Variants in CDK14 observed in about 807,000 individuals in gnomAD.
CDK14 encodes the protein cyclin dependent kinase 14, also known as cyclin-dependent kinase 14.
A neutral mutation model predicts 60.7 loss-of-function variants in CDK14; 34 were observed. The observed-to-expected ratio is 0.56, with a 90% CI of 0.43 to 0.75. The LOEUF (loss-of-function observed/expected upper bound fraction) is 0.75. CDK14 is among the 30% of genes least tolerant of loss of function. The pLI, the probability that CDK14 is intolerant of heterozygous loss-of-function variation, is 0.00. For synonymous variants in CDK14, 197 were observed against 203.7 expected, an observed-to-expected ratio of 0.97 and a Z score of 0.28; for missense variants, 482 against 564.1, an observed-to-expected ratio of 0.85 and a Z score of 1.47.
chr7:91,155,861 G>A (rs1341770869), intron 14 of CDK14, among the ~76,000 whole-genome samples: 1 of 152,158 alleles, frequency 6.6e-6, no homozygotes, highest in African/African-American at 2.4e-5. Flanking sequence ...CTCAGGCTAA[G>A]CTTGATCCAA....
rs149530799 is a variant in CDK14 at position 90,849,840 on chromosome 7, G to A, written c.545-13335G>A. ...TAAATCCATGTATGGTTAGAACATCGTCTTCCTTTTCTTATTGATACTGTC... is the reference window on the plus strand; with the variant it reads ...TAAATCCATGTATGGTTAGAACATCATCTTCCTTTTCTTATTGATACTGTC... On this transcript the variant is annotated intron_variant, in intron 5 of 14. Transcript: ENST00000380050. 6.3e-4 allele frequency among the ~76,000 whole-genome samples: 96 copies of A among 152,054 alleles called. 1 individual carries two copies. Among genetic ancestry groups the A allele is most frequent in the African/African-American group, 2.1e-3 (87 of 41,362 alleles).
chr7:90,743,230 G>A (rs1214439409), intron 3 of CDK14, among the ~76,000 whole-genome samples: 2 of 152,054 alleles, frequency 1.3e-5, no homozygotes, highest in African/African-American at 4.8e-5. Context: ...CTGTAGTGAA[G>A]CAAATTAATA....
rs1374479385 is a variant in CDK14 at position 91,207,451 on chromosome 7, C to G, written c.*315C>G. 1 of 152,652 alleles carries G rather than the reference C, an allele frequency of 6.6e-6. No individual in the cohort carries two copies. Among genetic ancestry groups the G allele is most frequent in the Non-Finnish European group, 1.5e-5 (1 of 68,056 alleles). The allele number at this position is 152,652 out of a possible 1,614,324, so 9.5% of individuals were successfully genotyped here. On this transcript the variant is annotated 3_prime_UTR_variant, in exon 15 of 15. Coordinates refer to ENST00000380050, the MANE Select transcript of CDK14 (RefSeq NM_001287135.2). Reference sequence around the variant, plus strand: ...TTTGATTTTGTTTGATTTCCCTCTGCAGCACAGCGTCTCTGTAAAGGTTTT... The same window carrying G: ...TTTGATTTTGTTTGATTTCCCTCTGGAGCACAGCGTCTCTGTAAAGGTTTT...
intron 5 of CDK14, among the ~76,000 whole-genome samples, chr7:90,831,630 C>A (rs530415120): frequency 6.6e-6 from 1 of 152,234 alleles, no homozygotes; most frequent in East Asian, 1.9e-4. Context: ...CAGCTTATCA[C>A]CACTTCCTTG....
intron 2 of CDK14, chr7:90,709,850 A>G: frequency 7.2e-7 from 1 of 1,390,364 alleles, no homozygotes; most frequent in Non-Finnish European, 9.4e-7. Context: ...TAGTGCAGAA[A>G]GATGTGAATT....
intron 10 of CDK14, among the ~76,000 whole-genome samples, chr7:91,031,886 C>G (rs1163487639): frequency 6.6e-6 from 1 of 152,154 alleles, no homozygotes; most frequent in Non-Finnish European, 1.5e-5. Context: ...AGCACAGCAG[C>G]ACCTGCTGGG....
chr7:90,693,460 A>G (rs1801596061), intron 2 of CDK14, among the ~76,000 whole-genome samples: 1 of 152,170 alleles, frequency 6.6e-6, no homozygotes, highest in African/African-American at 2.4e-5. Flanking sequence ...TGTCTTTATA[A>G]TGAATAGCTT....
At chr7:91,037,464 GA>G (rs199739220) in intron 10 of CDK14, among the ~76,000 whole-genome samples, 2 of 152,050 alleles carry the variant, frequency 1.3e-5, no homozygotes, top group Non-Finnish European at 2.9e-5. Context: ...GAGAGAGCAT[GA>G]AAAAAACCTC....
chr7:90,950,833 G>C (rs1794235395), intron 8 of CDK14, among the ~76,000 whole-genome samples: 1 of 152,184 alleles, frequency 6.6e-6, no homozygotes, highest in South Asian at 2.1e-4. Context: ...AGTAAATGGA[G>C]TCATTCAGGG....
chr7:90,897,531 TA>T (rs1164160813), intron 6 of CDK14, among the ~76,000 whole-genome samples: 2 of 152,068 alleles, frequency 1.3e-5, no homozygotes, highest in Non-Finnish European at 1.5e-5. Flanking sequence ...ACCTTATTTT[TA>T]TCTATTATAT....
At chr7:91,039,492 T>A (rs1033841135) in intron 10 of CDK14, among the ~76,000 whole-genome samples, 2 of 152,200 alleles carry the variant, frequency 1.3e-5, no homozygotes, top group African/African-American at 4.8e-5. Context: ...CCTCCACCTC[T>A]GATTTCCAGC....
At chr7:90,701,041 C>A (rs1251209947) in intron 2 of CDK14, among the ~76,000 whole-genome samples, 1 of 152,202 alleles carries the variant, frequency 6.6e-6, no homozygotes, top group African/African-American at 2.4e-5. Context: ...TTCCACAAAT[C>A]CCTAGTGTAC....
chr7:90,671,047 A>G (rs1350406607), intron 2 of CDK14, among the ~76,000 whole-genome samples: 2 of 152,118 alleles, frequency 1.3e-5, no homozygotes, highest in African/African-American at 2.4e-5. Flanking sequence ...CTGTTTAGCA[A>G]GTTGCCAGCT....
At chr7:90,739,147 TC>T (rs1412038649) in intron 3 of CDK14, among the ~76,000 whole-genome samples, 2 of 152,204 alleles carry the variant, frequency 1.3e-5, no homozygotes, top group African/African-American at 4.8e-5. Flanking sequence ...CTTTGATTCT[TC>T]CTATGGAGTC....
intron 14 of CDK14, among the ~76,000 whole-genome samples, chr7:91,173,608 G>A (rs1405195009): frequency 4.6e-5 from 7 of 151,810 alleles, no homozygotes; most frequent in African/African-American, 7.3e-5. Context: ...TGCACCGTGC[G>A]CGAGCCGAAG....
chr7:90,940,697 G>C (rs1432881619), intron 8 of CDK14, among the ~76,000 whole-genome samples: 2 of 152,012 alleles, frequency 1.3e-5, no homozygotes, highest in Admixed American at 1.3e-4. Flanking sequence ...GAGGTGGGAA[G>C]GTCGCTTGAG....
At chr7:91,086,677 G>A (rs1278571546) in intron 12 of CDK14, among the ~76,000 whole-genome samples, 1 of 151,820 alleles carries the variant, frequency 6.6e-6, no homozygotes, top group African/African-American at 2.4e-5. Flanking sequence ...GTGTGTGTGT[G>A]TGTGTGTATA....
At chr7:91,113,193 T>G (rs1242190357) in intron 13 of CDK14, among the ~76,000 whole-genome samples, 1 of 152,208 alleles carries the variant, frequency 6.6e-6, no homozygotes, top group African/African-American at 2.4e-5. Flanking sequence ...ACAATAACCT[T>G]AAAAAGGGCT....
chr7:90,856,607 C>T (rs1444262776), intron 5 of CDK14, among the ~76,000 whole-genome samples: 1 of 152,206 alleles, frequency 6.6e-6, no homozygotes, highest in Non-Finnish European at 1.5e-5. Flanking sequence ...CTCCTCATTA[C>T]AGACAGTTAA....
Sources: allele counts gnomAD v4.1 joint callset (sites outside exome capture counted in the v4.1 genomes callset), GRCh38; gene constraint gnomAD v4.1.1; transcripts MANE v1.5; gene names NCBI Gene and HGNC (gene_info 2026-07-23, HGNC 2026-07-21).